Variants in DLG2 observed in about 807,000 individuals in gnomAD.
DLG2 encodes discs large MAGUK scaffold protein 2, also known as disks large homolog 2.
A neutral mutation model predicts 132.5 loss-of-function variants in DLG2; 45 were observed. The observed-to-expected ratio is 0.34, with a 90% confidence interval of 0.27 to 0.44. The LOEUF (loss-of-function observed/expected upper bound fraction) is 0.44. Among genes scored for constraint, DLG2 ranks in the 20% least tolerant of loss-of-function variants. The pLI, the probability that DLG2 is intolerant of heterozygous loss-of-function variation, is 1.00. For missense variants in DLG2, 1,045 were observed against 1,196.9 expected (o/e 0.87, Z 1.87); for synonymous variants, 424 against 419.6 (o/e 1.01, Z -0.13).
At chr11:84,107,883 A>G (rs1483906905) in intron 9 of DLG2, among the ~76,000 whole-genome samples, 1 of 152,112 alleles carries the variant, frequency 6.6e-6, no homozygotes, top group African/African-American at 2.4e-5. Flanking sequence ...TTGAGGCAAG[A>G]GAGAGACACT....
intron 21 of DLG2, among the ~76,000 whole-genome samples, chr11:83,510,320 C>A (rs976526735): frequency 2.6e-5 from 4 of 152,042 alleles, no homozygotes; most frequent in Non-Finnish European, 5.9e-5. Flanking sequence ...TTACCCCCCA[C>A]CATCTGATGT....
chr11:84,485,069 T>C (rs1257162854), intron 7 of DLG2, among the ~76,000 whole-genome samples: 1 of 152,118 alleles, frequency 6.6e-6, no homozygotes, highest in Non-Finnish European at 1.5e-5. Flanking sequence ...GCTTAAGTAA[T>C]TGATTGCACA....
rs1358786901 is a variant in DLG2, at chr11:83,456,890, G to A, written c.*2928C>T. On this transcript the variant is annotated 3_prime_UTR_variant, in exon 28 of 28. Coordinates refer to ENST00000376104, the MANE Select transcript of DLG2 (RefSeq NM_001142699.3). ...CCAAGAATTTGGGGCTGGGAAAAAAGGCCTGCAAATAAATAGCCAAGAAAT... is the reference window on the plus strand; with the variant it reads ...CCAAGAATTTGGGGCTGGGAAAAAAAGCCTGCAAATAAATAGCCAAGAAAT... 1 of 152,472 alleles carries A rather than the reference G, an allele frequency of 6.6e-6. No individual in the cohort carries two copies. Among genetic ancestry groups the A allele is most frequent in the East Asian group, 1.9e-4 (1 of 5,186 alleles). The allele number at this position is 152,472 out of a possible 1,614,324, so 9.4% of individuals were successfully genotyped here.
chr11:84,720,388 C>T (rs1424619051), intron 6 of DLG2: 19 of 985,366 alleles, frequency 1.9e-5, no homozygotes, highest in Non-Finnish European at 2.3e-5. Context: ...TCCTTAACAA[C>T]AGGGGACATT....
At chr11:85,188,459 A>G (rs934104166) in intron 4 of DLG2, among the ~76,000 whole-genome samples, 2 of 152,212 alleles carry the variant, frequency 1.3e-5, no homozygotes, top group African/African-American at 4.8e-5. Flanking sequence ...TTTTTTAAAA[A>G]CAGACAAGCA....
At chr11:83,844,769 T>A (rs1378843095) in intron 16 of DLG2, among the ~76,000 whole-genome samples, 1 of 152,006 alleles carries the variant, frequency 6.6e-6, no homozygotes, top group Non-Finnish European at 1.5e-5. Flanking sequence ...CTAACATAAA[T>A]GTGCTGTCCT....
intron 19 of DLG2, among the ~76,000 whole-genome samples, chr11:83,601,638 T>C (rs777693263): frequency 1.6e-4 from 15 of 93,198 alleles, no homozygotes; most frequent in Non-Finnish European, 3.6e-4. Flanking sequence ...CGGCCTCCCA[T>C]GTAGCTGGGA....
At chr11:85,232,095 A>G (rs1199989765) in intron 4 of DLG2, among the ~76,000 whole-genome samples, 2 of 151,846 alleles carry the variant, frequency 1.3e-5, no homozygotes, top group African/African-American at 4.8e-5. Flanking sequence ...TCCTCCACCC[A>G]TTAAGATTTT....
intron 3 of DLG2, among the ~76,000 whole-genome samples, chr11:85,567,023 T>A (rs967622905): frequency 6.6e-5 from 10 of 152,214 alleles, no homozygotes; most frequent in Non-Finnish European, 1.3e-4. Context: ...TCTATTCCAT[T>A]GATTTATGTG....
At chr11:85,123,265 C>T (rs973524450) in intron 5 of DLG2, among the ~76,000 whole-genome samples, 1 of 151,866 alleles carries the variant, frequency 6.6e-6, no homozygotes, top group African/African-American at 2.4e-5. Context: ...GCGTGAGCCA[C>T]CATGCCCGGC....
chr11:84,904,882 T>C (rs1161299818), intron 6 of DLG2, among the ~76,000 whole-genome samples: 2 of 152,160 alleles, frequency 1.3e-5, no homozygotes, highest in Admixed American at 6.5e-5. Context: ...ATTAGGCTCA[T>C]TGTAATGTAT....
chr11:85,406,893 C>T (rs1213279313), intron 3 of DLG2, among the ~76,000 whole-genome samples: 1 of 151,754 alleles, frequency 6.6e-6, no homozygotes, highest in Admixed American at 6.6e-5. Flanking sequence ...ACATGGGAGA[C>T]AAGCCCAAGG....
chr11:83,772,565 A>G (rs961459011), intron 18 of DLG2, among the ~76,000 whole-genome samples: 5 of 151,956 alleles, frequency 3.3e-5, no homozygotes, highest in African/African-American at 1.2e-4. Flanking sequence ...AGAGAAAGAA[A>G]GAAACAGAGA....
intron 6 of DLG2, among the ~76,000 whole-genome samples, chr11:84,860,736 T>C (rs955517042): frequency 6.6e-6 from 1 of 152,072 alleles, no homozygotes. Flanking sequence ...AAGTAGCTAA[T>C]GTTTTGGAAT....
In DLG2 at chr11:84,502,200, C is replaced by T. The variant is rs11234047; in HGVS notation, c.519+32370G>A. On this transcript the variant is annotated intron_variant, in intron 7 of 27. Transcript: ENST00000376104. Reference sequence around the variant, plus strand: ...TTTCTCTCTCTTTCTCTCTCTCTCTCTCCTTCCTTCCTTCCTTCCTTCCTT... The same window carrying T: ...TTTCTCTCTCTTTCTCTCTCTCTCTTTCCTTCCTTCCTTCCTTCCTTCCTT... 3.5e-3 allele frequency among the ~76,000 whole-genome samples: 34 copies of T among 9,822 alleles called. 1 individual carries two copies. Among genetic ancestry groups the T allele is most frequent in the African/African-American group, 0.021 (18 of 872 alleles). The allele number at this position is 9,822 out of a possible 152,430, so 6.4% of individuals were successfully genotyped here. A position where few individuals can be genotyped will look rare whatever the true frequency, so the allele number is the denominator to read the frequency against.
intron 3 of DLG2, among the ~76,000 whole-genome samples, chr11:85,393,389 T>C (rs1332496977): frequency 3.3e-5 from 5 of 151,980 alleles, no homozygotes; most frequent in African/African-American, 1.2e-4. Context: ...GTAATACAAC[T>C]ACTATGGAAA....
chr11:84,870,302 T>G (rs1423453212), intron 6 of DLG2, among the ~76,000 whole-genome samples: 1 of 152,164 alleles, frequency 6.6e-6, no homozygotes, highest in Non-Finnish European at 1.5e-5. Flanking sequence ...TGAACCAGGA[T>G]GAGAACAATT....
At chr11:83,577,868 A>AAT (rs1193606103) in intron 19 of DLG2, among the ~76,000 whole-genome samples, 2 of 123,086 alleles carry the variant, frequency 1.6e-5, no homozygotes, top group African/African-American at 6.3e-5. Context: ...TTATATTATA[A>AAT]ATATATATAA....
At chr11:84,173,332 T>C (rs1188872528) in intron 8 of DLG2, among the ~76,000 whole-genome samples, 2 of 152,220 alleles carry the variant, frequency 1.3e-5, no homozygotes, top group South Asian at 2.1e-4. Flanking sequence ...CATGAGTTTG[T>C]ACATGCTCTT....
Sources: allele counts gnomAD v4.1 joint callset (sites outside exome capture counted in the v4.1 genomes callset), GRCh38; gene constraint gnomAD v4.1.1; transcripts MANE v1.5; gene names NCBI Gene and HGNC (gene_info 2026-07-23, HGNC 2026-07-21).